The following LIMD1 variants were observed in gnomAD, a reference collection of about 807,000 sequenced individuals.
LIMD1 encodes the protein LIM domain-containing protein 1.
Under a neutral mutation model 58.4 loss-of-function variants are expected in LIMD1, and 23 were observed. That is an observed-to-expected ratio of 0.39 (90% CI 0.28 to 0.56). The LOEUF is 0.56. LIMD1 is among the 20% of genes least tolerant of loss of function. The probability of loss-of-function intolerance (pLI) is 0.57; values close to 1 mark genes in which losing one functional copy is unlikely to be tolerated. For synonymous variants in LIMD1, 334 were observed against 345.5 expected (o/e 0.97, Z 0.37); for missense variants, 838 against 855.5 (o/e 0.98, Z 0.25).
At position 45,618,626 on chromosome 3, in the gene LIMD1, A is replaced by G. The variant is rs76988404; in HGVS notation, c.1409-17524A>G. Among the ~76,000 whole-genome samples the G allele has an allele frequency of 4.4e-3, 672 of 152,280 alleles. 7 individuals carry two copies. The highest frequency in any genetic ancestry group is 0.015 in the African/African-American group (637 of 41,556). ...AAGGGAGGGAAGGAAATGAACTTTTATGGGGCACCTCTGTGCCAGGAGCAG... is the reference window on the plus strand; with the variant it reads ...AAGGGAGGGAAGGAAATGAACTTTTGTGGGGCACCTCTGTGCCAGGAGCAG... On this transcript the variant is annotated intron_variant, in intron 1 of 7. Coordinates refer to ENST00000273317, the MANE Select transcript of LIMD1 (RefSeq NM_014240.3).
chr3:45,638,999 C>T (rs2125659500), intron 2 of LIMD1, among the ~76,000 whole-genome samples: 1 of 152,292 alleles, frequency 6.6e-6, no homozygotes, highest in South Asian at 2.1e-4. Flanking sequence ...TTCTGAGTAG[C>T]TGGGACTGCG....
chr3:45,605,267 A>G (rs1259089748), intron 1 of LIMD1, among the ~76,000 whole-genome samples: 1 of 152,272 alleles, frequency 6.6e-6, no homozygotes, highest in Admixed American at 6.5e-5. Flanking sequence ...AGTGGCAGAG[A>G]GCCTGGAAAG....
rs775846772 is a variant in LIMD1, at chr3:45,596,268, C to A, written c.1389C>A (p.His463Gln). 6.2e-7 allele frequency: 1 copy of A among 1,604,988 alleles called. No homozygotes were observed. Among genetic ancestry groups the A allele is most frequent in the Non-Finnish European group, 8.5e-7 (1 of 1,176,070 alleles). Reference sequence around the variant, plus strand: ...GTCTGGAGCGAGAGATGGATGCTCACCCGAAGGCTGATTACTTTGGTGAGT... The same window carrying A: ...GTCTGGAGCGAGAGATGGATGCTCAACCGAAGGCTGATTACTTTGGTGAGT... Reference protein sequence around the residue: ...TQRLEREMDAHPKADYFGACV... With the variant: ...TQRLEREMDAQPKADYFGACV... The change falls in exon 1 of 8, where the codon CAC becomes CAA. Residue 463 changes from histidine (H) to glutamine (Q), a missense_variant. By Grantham distance (24) the His-to-Gln change is conservative. Around this residue, in one of 3 missense-constraint regions of LIMD1, gnomAD observed 659 missense variants for 639.8 expected, o/e 1.03. Coordinates refer to ENST00000273317, the MANE Select transcript of LIMD1 (RefSeq NM_014240.3).
rs866189953 is a variant in LIMD1, at chr3:45,682,343, G to T, written c.*5284G>T. 6.6e-6 allele frequency: 1 copy of T among 152,200 alleles called. No individual in the cohort carries two copies. Among genetic ancestry groups the T allele is most frequent in the African/African-American group, 2.4e-5 (1 of 41,440 alleles). 9.4% of individuals were successfully genotyped at this position (152,200 alleles called of 1,614,324 possible). A position where few individuals can be genotyped will look rare whatever the true frequency, so the allele number is the denominator to read the frequency against. On this transcript the variant is annotated 3_prime_UTR_variant, in exon 8 of 8. Transcript: ENST00000273317. ...CTGGGGCAAAAAATTAAAAAGCCTT[G>T]ATATGGAGTGTTTGCTGATACCTAT...
intron 1 of LIMD1, among the ~76,000 whole-genome samples, chr3:45,603,917 T>C (rs1016793530): frequency 5.3e-5 from 8 of 152,222 alleles, no homozygotes; most frequent in Admixed American, 4.6e-4. Flanking sequence ...TGAACCCATC[T>C]GTGTAGCCAA....
chr3:45,635,920 AG>A, intron 1 of LIMD1: 1 of 985,254 alleles, frequency 1.0e-6, no homozygotes. Flanking sequence ...TTAGCATAAC[AG>A]TGGGGCAGGG....
At chr3:45,621,323 A>G (rs1701626601) in intron 1 of LIMD1, among the ~76,000 whole-genome samples, 1 of 151,930 alleles carries the variant, frequency 6.6e-6, no homozygotes, top group Non-Finnish European at 1.5e-5. Context: ...ATGAACTCCC[A>G]GGCTCGAACA....
chr3:45,618,686 C>G (rs1273907850), intron 1 of LIMD1, among the ~76,000 whole-genome samples: 4 of 152,208 alleles, frequency 2.6e-5, no homozygotes, highest in Non-Finnish European at 5.9e-5. Flanking sequence ...TTAATCCTCA[C>G]CGCTACCCTG....
intron 1 of LIMD1, among the ~76,000 whole-genome samples, chr3:45,608,759 G>C (rs1458521449): frequency 1.4e-5 from 2 of 147,236 alleles, no homozygotes; most frequent in African/African-American, 5.0e-5. Flanking sequence ...AGAATTGCTT[G>C]AACCTGGGAG....
chr3:45,595,030 A>G lies in LIMD1; in HGVS notation c.151A>G (p.Lys51Glu), dbSNP rs1289954459. 7 of 1,613,824 alleles carry G rather than the reference A, an allele frequency of 4.3e-6. No homozygotes were observed. Among genetic ancestry groups the G allele is most frequent in the Non-Finnish European group, 5.9e-6 (7 of 1,180,030 alleles). The part of the protein sequence containing the change: ...FEETRRVFAT[K>E]MAKIHLQQQQ... The stretch of plus-strand genomic sequence containing the variant: ...GGAAACTCGCAGGGTGTTCGCCACC[A>G]AGATGGCCAAAATCCACCTCCAGCA... Residue 51 changes from lysine to glutamate, a missense_variant, in exon 1 of 8, where the codon AAG (lysine) becomes GAG (glutamate). By Grantham distance (56) the Lys-to-Glu change is moderately conservative. This residue lies in a region of LIMD1 where 659 missense variants were observed against 639.8 expected (regional missense o/e 1.03). Coordinates refer to ENST00000273317, the MANE Select transcript of LIMD1 (RefSeq NM_014240.3).
intron 2 of LIMD1, among the ~76,000 whole-genome samples, chr3:45,657,951 T>G (rs921679030): frequency 1.3e-4 from 19 of 151,984 alleles, no homozygotes. Flanking sequence ...AAACCTGGAG[T>G]AGGTGATGGC....
At chr3:45,624,893 T>C (rs1474707664) in intron 1 of LIMD1, among the ~76,000 whole-genome samples, 1 of 151,100 alleles carries the variant, frequency 6.6e-6, no homozygotes, top group Non-Finnish European at 1.5e-5. Context: ...TTTTTTTTTT[T>C]TTTTTGTAAA....
chr3:45,685,354 C>T lies in LIMD1; in HGVS notation c.*8295C>T, dbSNP rs1200934345. Reference sequence around the variant, plus strand: ...AAAGGCCTTGGTTTATGGTTCCCAACTGGTAAAGAAACGTCAAACTTTGCC... The same window carrying T: ...AAAGGCCTTGGTTTATGGTTCCCAATTGGTAAAGAAACGTCAAACTTTGCC... On this transcript the variant is annotated 3_prime_UTR_variant, in exon 8 of 8. Coordinates refer to ENST00000273317, the MANE Select transcript of LIMD1 (RefSeq NM_014240.3). The T allele has an allele frequency of 1.3e-5, 2 of 152,168 alleles. No individual in the cohort carries two copies. The highest frequency in any genetic ancestry group is 1.3e-4 in the Admixed American group (2 of 15,276). The allele number at this position is 152,168 out of a possible 1,614,324, so 9.4% of individuals were successfully genotyped here.
chr3:45,642,641 C>G (rs1022620875), intron 2 of LIMD1, among the ~76,000 whole-genome samples: 6 of 152,124 alleles, frequency 3.9e-5, no homozygotes, highest in African/African-American at 1.4e-4. Flanking sequence ...AATTTAACAT[C>G]ATGTCATAGT....
rs1697759249 is a variant in LIMD1 at position 45,682,669 on chromosome 3, G to A, written c.*5610G>A. On this transcript the variant is annotated 3_prime_UTR_variant, in exon 8 of 8. Transcript: ENST00000273317. ...CACAAAAGGGTGAAATAAACAGTAA[G>A]TACTCCATCCCAGGCCATCTCATCC... 1 of 152,266 alleles carries A rather than the reference G, an allele frequency of 6.6e-6. No homozygotes were observed. Among genetic ancestry groups the A allele is most frequent in the Non-Finnish European group, 1.5e-5 (1 of 68,090 alleles). The allele number at this position is 152,266 out of a possible 1,614,324, so 9.4% of individuals were successfully genotyped here.
intron 2 of LIMD1, among the ~76,000 whole-genome samples, chr3:45,655,736 C>T (rs533617128): frequency 2.0e-5 from 3 of 152,204 alleles, no homozygotes; most frequent in Admixed American, 6.5e-5. Context: ...GTTTATCCCT[C>T]GGCTATTCCA....
rs1697601846 is a variant in LIMD1, at chr3:45,672,686, C to G, written c.1642-4C>G. Reference sequence around the variant, plus strand: ...TCCCCACTGAGTCTTGGTCTCTGCTCCAGATCCTGCAAGCCCTGGGGAAGT... The same window carrying G: ...TCCCCACTGAGTCTTGGTCTCTGCTGCAGATCCTGCAAGCCCTGGGGAAGT... On this transcript the variant is annotated splice_region_variant and splice_polypyrimidine_tract_variant and intron_variant, in intron 4 of 7. Transcript: ENST00000273317. 1.2e-6 allele frequency: 2 copies of G among 1,613,570 alleles called. No individual in the cohort carries two copies. The highest frequency in any genetic ancestry group is 1.3e-5 in the African/African-American group (1 of 75,024).
intron 2 of LIMD1, among the ~76,000 whole-genome samples, chr3:45,658,123 A>T (rs1261976118): frequency 6.6e-6 from 1 of 152,240 alleles, no homozygotes; most frequent in Non-Finnish European, 1.5e-5. Flanking sequence ...GAAGACAATC[A>T]GTAGATGTTA....
chr3:45,595,568 G>A lies in LIMD1; in HGVS notation c.689G>A (p.Arg230Gln), dbSNP rs773858656. 7.4e-6 allele frequency: 12 copies of A among 1,613,914 alleles called. No homozygotes were observed. In the South Asian group the frequency reaches 7.7e-5, roughly 10 times the overall value. The change falls in exon 1 of 8, where the codon CGA (arginine) becomes CAA (glutamine). Residue 230 changes from arginine (R) to glutamine (Q), a missense_variant. Around this residue, in one of 3 missense-constraint regions of LIMD1, gnomAD observed 659 missense variants for 639.8 expected, o/e 1.03. Coordinates refer to ENST00000273317, the MANE Select transcript of LIMD1 (RefSeq NM_014240.3). ...KPCGDHPLNH[R>Q]QLSLSSSRSS... Reference sequence around the variant, plus strand: ...TGCGGGGACCATCCCCTAAATCACCGACAGCTCTCCCTGAGCTCCAGCAGG... The same window carrying A: ...TGCGGGGACCATCCCCTAAATCACCAACAGCTCTCCCTGAGCTCCAGCAGG...
Sources: gnomAD v4.1 joint callset for allele counts (sites outside exome capture counted in the v4.1 genomes callset) on GRCh38, gnomAD v4.1.1 for gene constraint, gnomAD v4.1.1 regional missense constraint, MANE v1.5 for transcripts, NCBI Gene and HGNC (gene_info 2026-07-23, HGNC 2026-07-21) for gene names.